MDGA2: variants seen among roughly 807,000 people sequenced by gnomAD.
MDGA2 encodes MAM domain containing glycosylphosphatidylinositol anchor 2, also known as MAM domain-containing glycosylphosphatidylinositol anchor protein 2.
MDGA2 carries 40 observed loss-of-function variants against 117.8 expected under a neutral mutation model. That is an observed-to-expected ratio of 0.34 (90% CI 0.26 to 0.44). MDGA2 has a LOEUF of 0.44. MDGA2 is among the 20% of genes least tolerant of loss of function. MDGA2 has a pLI of 1.00. For synonymous variants in MDGA2, 452 were observed against 439.0 expected (o/e 1.03, Z -0.37); for missense variants, 1,123 against 1,250.6 (o/e 0.90, Z 1.54).
chr14:47,507,313 C>T (rs2017732), intron 1 of MDGA2, among the ~76,000 whole-genome samples: 113,856 of 151,996 alleles, frequency 0.75, 43,057 homozygotes, highest in East Asian at 1. Context: ...GAATTATGAA[C>T]ATGGTTTGTG....
intron 8 of MDGA2, among the ~76,000 whole-genome samples, chr14:47,029,384 A>T (rs1223057077): frequency 6.6e-6 from 1 of 152,182 alleles, no homozygotes; most frequent in South Asian, 2.1e-4. Flanking sequence ...TTTGGAAAAT[A>T]CAAATTATAA....
intron 1 of MDGA2, among the ~76,000 whole-genome samples, chr14:47,424,394 C>T (rs1191691945): frequency 6.7e-6 from 1 of 148,160 alleles, no homozygotes; most frequent in East Asian, 2.0e-4. Flanking sequence ...CTGCCCTAAA[C>T]CTGGGTGAGA....
At chr14:47,403,836 A>G (rs1318294544) in intron 1 of MDGA2, among the ~76,000 whole-genome samples, 3 of 151,874 alleles carry the variant, frequency 2.0e-5, no homozygotes, top group African/African-American at 7.3e-5. Flanking sequence ...AAATTATCTG[A>G]TTTTCCTCTG....
intron 9 of MDGA2, among the ~76,000 whole-genome samples, chr14:46,937,660 C>T (rs970928618): frequency 1.3e-5 from 2 of 152,088 alleles, no homozygotes; most frequent in African/African-American, 4.8e-5. Flanking sequence ...TTTCCACAGC[C>T]AACTGATTTT....
chr14:46,885,095 A>G (rs1459239312), intron 10 of MDGA2, among the ~76,000 whole-genome samples: 1 of 151,698 alleles, frequency 6.6e-6, no homozygotes, highest in African/African-American at 2.4e-5. Flanking sequence ...TGATCACCCA[A>G]CTCAGCCTCC....
At chr14:47,174,239 C>T (rs867706609) in intron 3 of MDGA2, among the ~76,000 whole-genome samples, 131 of 152,186 alleles carry the variant, frequency 8.6e-4, no homozygotes, top group African/African-American at 2.6e-3. Flanking sequence ...GACAGATCAA[C>T]GAGACAGAAA....
intron 8 of MDGA2, among the ~76,000 whole-genome samples, chr14:46,962,785 G>C (rs1885863449): frequency 6.6e-6 from 1 of 152,082 alleles, no homozygotes; most frequent in African/African-American, 2.4e-5. Flanking sequence ...ATAGCTCAGA[G>C]TGAGTATAGA....
chr14:47,539,977 T>C (rs987821487), intron 1 of MDGA2, among the ~76,000 whole-genome samples: 9 of 152,174 alleles, frequency 5.9e-5, no homozygotes, highest in African/African-American at 2.2e-4. Context: ...CTCAGAACTC[T>C]TTTCCTTAAA....
intron 7 of MDGA2, among the ~76,000 whole-genome samples, chr14:47,041,543 G>A (rs1046322665): frequency 2.0e-5 from 3 of 151,894 alleles, no homozygotes; most frequent in Non-Finnish European, 4.4e-5. Flanking sequence ...CACAGCCCTT[G>A]ATATTTTTTT....
At chr14:47,318,063 C>CA (rs1889862023) in intron 1 of MDGA2, among the ~76,000 whole-genome samples, 1 of 152,198 alleles carries the variant, frequency 6.6e-6, no homozygotes, top group Admixed American at 6.5e-5. Context: ...CCATCTTTGC[C>CA]ATTCTCATGC....
At chr14:47,649,200 G>A (rs779486507) in intron 1 of MDGA2, among the ~76,000 whole-genome samples, 13 of 152,036 alleles carry the variant, frequency 8.6e-5, no homozygotes, top group Non-Finnish European at 1.5e-4. Flanking sequence ...ATAAATGAGG[G>A]AGTAAATTGC....
intron 3 of MDGA2, 47 bp downstream of exon 3, chr14:47,217,974 G>A (rs767900368): frequency 2.2e-6 from 3 of 1,391,650 alleles, no homozygotes; most frequent in East Asian, 2.7e-5. Context: ...TAAGACAAAA[G>A]AAATCCATAA....
At chr14:47,027,627 T>TATTA (rs1555344547) in intron 8 of MDGA2, among the ~76,000 whole-genome samples, 4 of 145,934 alleles carry the variant, frequency 2.7e-5, no homozygotes, top group African/African-American at 7.5e-5. Flanking sequence ...ATATTATATA[T>TATTA]TATATATATA....
At chr14:47,370,493 T>TTTTTTTTTTTTTTTTTTTC (rs1891328184) in intron 1 of MDGA2, among the ~76,000 whole-genome samples, 1 of 68,456 alleles carries the variant, frequency 1.5e-5, no homozygotes, top group African/African-American at 5.4e-5. Flanking sequence ...TTTTTTTTTT[T>TTTTTTTTTTTTTTTTTTTC]TTTTTGTGTG....
intron 3 of MDGA2, among the ~76,000 whole-genome samples, chr14:47,192,398 T>G (rs1885147674): frequency 6.6e-6 from 1 of 152,050 alleles, no homozygotes; most frequent in East Asian, 1.9e-4. Context: ...GTGGATCGCT[T>G]GAGCTCAGGA....
At chr14:47,106,736 A>G (rs563324920) in intron 5 of MDGA2, among the ~76,000 whole-genome samples, 168 of 151,244 alleles carry the variant, frequency 1.1e-3, no homozygotes, top group Admixed American at 2.9e-3. Flanking sequence ...GTGGAAGGTA[A>G]GCCCGTCCCC....
chr14:47,577,942 A>C (rs1451405845), intron 1 of MDGA2, among the ~76,000 whole-genome samples: 1 of 152,202 alleles, frequency 6.6e-6, no homozygotes, highest in Non-Finnish European at 1.5e-5. Flanking sequence ...AGGAATATAA[A>C]CCATCCTACG....
At chr14:47,376,681 A>T (rs1891486283) in intron 1 of MDGA2, among the ~76,000 whole-genome samples, 1 of 152,154 alleles carries the variant, frequency 6.6e-6, no homozygotes, top group South Asian at 2.1e-4. Flanking sequence ...TGTATCTAAA[A>T]ACTGACATAC....
chr14:47,105,917 T>C (rs998005132), intron 5 of MDGA2, among the ~76,000 whole-genome samples: 24 of 151,522 alleles, frequency 1.6e-4, no homozygotes, highest in African/African-American at 3.9e-4. Flanking sequence ...CCCTATAATC[T>C]TTTTATCACC....
Sources: allele counts gnomAD v4.1 joint callset (sites outside exome capture counted in the v4.1 genomes callset), GRCh38; gene constraint gnomAD v4.1.1; transcripts MANE v1.5; gene names NCBI Gene and HGNC (gene_info 2026-07-23, HGNC 2026-07-21).